The following NTSR1 variants were observed in gnomAD, a reference collection of about 807,000 sequenced individuals.
NTSR1 encodes neurotensin receptor type 1.
NTSR1 carries 29 observed loss-of-function variants against 31.2 expected under a neutral mutation model. The observed-to-expected ratio is 0.93, with a 90% confidence interval of 0.69 to 1.27. The LOEUF (loss-of-function observed/expected upper bound fraction) is 1.27, where lower values mean the gene tolerates loss of function less well. Among genes scored for constraint, NTSR1 ranks in the 50% most tolerant of loss-of-function variants. The pLI, the probability that NTSR1 is intolerant of heterozygous loss-of-function variation, is 0.00. For synonymous variants in NTSR1, 282 were observed against 269.9 expected (o/e 1.04, Z -0.44); for missense variants, 697 against 595.4 (o/e 1.17, Z -1.78).
chr20:62,754,896 C>T lies in NTSR1; in HGVS notation c.916+10C>T. 6.3e-7 allele frequency: 1 copy of T among 1,581,808 alleles called. No individual in the cohort carries two copies. Among genetic ancestry groups the T allele is most frequent in the Non-Finnish European group, 8.6e-7 (1 of 1,167,346 alleles). ...GGCGTGCGCGTCCTACGTACGTAAC[C>T]TCTGGGCCCTCCAGGGGCGGGAGGC... On this transcript the variant is annotated intron_variant, in intron 2 of 3. Coordinates refer to ENST00000370501, the MANE Select transcript of NTSR1 (RefSeq NM_002531.3).
In NTSR1 at chr20:62,751,476, G is replaced by A. The variant is rs1050034241; in HGVS notation, c.715-3209G>A. Among the ~76,000 whole-genome samples the A allele has an allele frequency of 2.0e-5, 3 of 152,362 alleles. No individual in the cohort carries two copies. The South Asian group carries it at 6.2e-4, about 32-fold the overall frequency. On this transcript the variant is annotated intron_variant, in intron 1 of 3. Coordinates refer to ENST00000370501, the MANE Select transcript of NTSR1 (RefSeq NM_002531.3). ...GCTGCAGGCGCAGCTTGACCCAGGA[G>A]CACAAACAATGTCATGGGGTGCCCC...
intron 1 of NTSR1, among the ~76,000 whole-genome samples, chr20:62,751,170 C>T (rs1453839010): frequency 6.6e-6 from 1 of 152,172 alleles, no homozygotes; most frequent in African/African-American, 2.4e-5. Context: ...AGCCACGGTA[C>T]CTGGCCAATA....
At chr20:62,712,017 C>T (rs1988625864) in intron 1 of NTSR1, among the ~76,000 whole-genome samples, 1 of 152,240 alleles carries the variant, frequency 6.6e-6, no homozygotes, top group South Asian at 2.1e-4. Flanking sequence ...AAGGGCTCAG[C>T]TGCGTGCCTG....
At chr20:62,737,433 C>T (rs1378975417) in intron 1 of NTSR1, among the ~76,000 whole-genome samples, 1 of 152,190 alleles carries the variant, frequency 6.6e-6, no homozygotes, top group African/African-American at 2.4e-5. Flanking sequence ...AGTCGGAGAG[C>T]CCCTTGACTC....
At chr20:62,728,672 C>T (rs11907939) in intron 1 of NTSR1, among the ~76,000 whole-genome samples, 17,432 of 152,106 alleles carry the variant, frequency 0.11, 1,231 homozygotes, top group African/African-American at 0.19. Context: ...CAGCATTGCT[C>T]AGGAAGGGGA....
In NTSR1 at chr20:62,723,478, C is replaced by T. The variant is rs182502517; in HGVS notation, c.714+13557C>T. On this transcript the variant is annotated intron_variant, in intron 1 of 3. Coordinates refer to ENST00000370501, the MANE Select transcript of NTSR1 (RefSeq NM_002531.3). ...AAGGAACGCTCATTTGTCCACCTGT[C>T]GACTTCAGGCTGCGTGCCCAGCAGG... 9.2e-5 allele frequency among the ~76,000 whole-genome samples: 14 copies of T among 152,332 alleles called. No homozygotes were observed. In the East Asian group the frequency reaches 2.5e-3, roughly 27 times the overall value.
intron 1 of NTSR1, among the ~76,000 whole-genome samples, chr20:62,735,937 G>A (rs1244316162): frequency 2.0e-5 from 3 of 152,238 alleles, no homozygotes; most frequent in Non-Finnish European, 2.9e-5. Flanking sequence ...CTCTGAGGGG[G>A]TCTGGTCTGA....
intron 1 of NTSR1, 119 bp downstream of exon 1, chr20:62,710,040 G>C: frequency 1.1e-6 from 1 of 913,564 alleles, no homozygotes; most frequent in South Asian, 1.9e-5. Flanking sequence ...ACTCCTGCGA[G>C]GCTGGGAAGG....
Position 62,742,404 on chromosome 20 carries a change from A to G in NTSR1, c.715-12281A>G, listed in dbSNP as rs1436060907. Reference sequence around the variant, plus strand: ...TGAGTCAGGCGTGTCCCCACTGGGCAGCAAGTCCCACAGCTTTGCATTCCA... The same window carrying G: ...TGAGTCAGGCGTGTCCCCACTGGGCGGCAAGTCCCACAGCTTTGCATTCCA... On this transcript the variant is annotated intron_variant, in intron 1 of 3. Transcript: ENST00000370501. This position sits in a 1 kb window ranked among gnomAD's most constrained non-coding sequence, Gnocchi z 7.1. Among the ~76,000 whole-genome samples, 1 of 149,422 alleles carries G rather than the reference A, an allele frequency of 6.7e-6. No individual in the cohort carries two copies. Among genetic ancestry groups the G allele is most frequent in the Non-Finnish European group, 1.5e-5 (1 of 68,010 alleles).
chr20:62,724,351 C>T (rs1307327949), intron 1 of NTSR1, among the ~76,000 whole-genome samples: 1 of 152,186 alleles, frequency 6.6e-6, no homozygotes, highest in African/African-American at 2.4e-5. Flanking sequence ...AGGAAGCATG[C>T]CTGGAACAGG....
chr20:62,757,716 C>G (rs766758457), intron 2 of NTSR1, among the ~76,000 whole-genome samples: 6 of 152,226 alleles, frequency 3.9e-5, no homozygotes, highest in East Asian at 1.9e-4. Context: ...CCACGTGTCT[C>G]CTTCTCTGAG....
chr20:62,727,782 A>C (rs1256979498), intron 1 of NTSR1, among the ~76,000 whole-genome samples: 1 of 152,266 alleles, frequency 6.6e-6, no homozygotes, highest in East Asian at 1.9e-4. Flanking sequence ...ACTGCACAGC[A>C]GCGGCCACCA....
chr20:62,734,117 G>A (rs947615779), intron 1 of NTSR1, among the ~76,000 whole-genome samples: 4 of 152,136 alleles, frequency 2.6e-5, no homozygotes, highest in African/African-American at 9.7e-5. Context: ...CATCCTGGAA[G>A]CGACCGCCTT....
At chr20:62,716,722 C>T (rs1350047335) in intron 1 of NTSR1, among the ~76,000 whole-genome samples, 1 of 152,204 alleles carries the variant, frequency 6.6e-6, no homozygotes, top group Non-Finnish European at 1.5e-5. Context: ...ATCGTCCTCC[C>T]CTGGACGGCC....
At chr20:62,757,102 T>G (rs772414249) in intron 2 of NTSR1, among the ~76,000 whole-genome samples, 1 of 152,232 alleles carries the variant, frequency 6.6e-6, no homozygotes, top group Non-Finnish European at 1.5e-5. Context: ...TTTATCTACT[T>G]TTTTCTTTTG....
chr20:62,727,837 G>A (rs1988934939), intron 1 of NTSR1, among the ~76,000 whole-genome samples: 2 of 152,268 alleles, frequency 1.3e-5, no homozygotes, highest in African/African-American at 2.4e-5. Flanking sequence ...AAGGGCAGGC[G>A]GGTATGGGTG....
Position 62,742,382 on chromosome 20 carries a change from G to C in NTSR1, c.715-12303G>C, listed in dbSNP as rs1194959388. 2.0e-5 allele frequency among the ~76,000 whole-genome samples: 3 copies of C among 149,450 alleles called. No homozygotes were observed. The highest frequency in any genetic ancestry group is 7.5e-5 in the African/African-American group (3 of 40,018). On this transcript the variant is annotated intron_variant, in intron 1 of 3. Coordinates refer to ENST00000370501, the MANE Select transcript of NTSR1 (RefSeq NM_002531.3). This position sits in a 1 kb window ranked among gnomAD's most constrained non-coding sequence, Gnocchi z 7.1. ...CTTTCCAGGCCCCCATCCACCATGA[G>C]TCAGGCGTGTCCCCACTGGGCAGCA...
chr20:62,750,770 T>C (rs1989380798), intron 1 of NTSR1, among the ~76,000 whole-genome samples: 1 of 150,574 alleles, frequency 6.6e-6, no homozygotes, highest in South Asian at 2.1e-4. Flanking sequence ...GTTCCCACCA[T>C]AATCAACGGG....
In NTSR1 at chr20:62,744,007, C is replaced by T. The variant is rs2147143785; in HGVS notation, c.715-10678C>T. On this transcript the variant is annotated intron_variant, in intron 1 of 3. Coordinates refer to ENST00000370501, the MANE Select transcript of NTSR1 (RefSeq NM_002531.3). This position sits in a 1 kb window ranked among gnomAD's most constrained non-coding sequence, Gnocchi z 4.1. ...TGCGCCCCGGTCCAGATCCCCCTAA[C>T]ACACCTGCTGTTTCATTATCTAACC... Among the ~76,000 whole-genome samples, 2 of 152,334 alleles carry T rather than the reference C, an allele frequency of 1.3e-5. No homozygotes were observed. The highest frequency in any genetic ancestry group is 4.1e-4 in the South Asian group (2 of 4,826).
Sources: gnomAD v4.1 joint callset for allele counts (sites outside exome capture counted in the v4.1 genomes callset) on GRCh38, gnomAD v4.1.1 for gene constraint, Gnocchi (gnomAD v3.1) non-coding constraint, MANE v1.5 for transcripts, NCBI Gene and HGNC (gene_info 2026-07-23, HGNC 2026-07-21) for gene names.